FSD2: variants seen among roughly 807,000 people sequenced by gnomAD.
The protein encoded by FSD2 is fibronectin type III and SPRY domain containing 2.
A neutral mutation model predicts 80.4 loss-of-function variants in FSD2; 71 were observed. That is an observed-to-expected ratio of 0.88 (90% CI 0.73 to 1.08). The LOEUF (loss-of-function observed/expected upper bound fraction) is 1.08. Among genes scored for constraint, FSD2 ranks in the 50% least tolerant of loss-of-function variants. FSD2 has a pLI of 0.00. For synonymous variants in FSD2, 361 were observed against 329.5 expected, an observed-to-expected ratio of 1.10 and a Z score of -1.03; for missense variants, 923 against 913.8, an observed-to-expected ratio of 1.01 and a Z score of -0.13.
chr15:82,755,791 C>T lies in FSD2; in HGVS notation c.*3557G>A. The T allele has an allele frequency of 4.4e-6, 1 of 227,014 alleles. No individual in the cohort carries two copies. 14.1% of individuals were successfully genotyped at this position (227,014 alleles called of 1,614,324 possible). ...GGGGTCTTCTTTCCAAATAACTTTT[C>T]TCTTGCATTTAGATTAATTAACCAT... is the stretch of plus-strand genomic sequence containing the variant. On this transcript the variant is annotated 3_prime_UTR_variant, in exon 13 of 13. Coordinates refer to ENST00000334574, the MANE Select transcript of FSD2 (RefSeq NM_001007122.4).
In FSD2 at chr15:82,762,252, A is replaced by G. The variant is rs768776202; in HGVS notation, c.1847T>C (p.Ile616Thr). ...CCAGTAATGGTGCCCTCGGACTGGAATTAGATTTCCCATGACAGCAACACA... is the reference window on the plus strand; with the variant it reads ...CCAGTAATGGTGCCCTCGGACTGGAGTTAGATTTCCCATGACAGCAACACA... ...TRCVAVMGNL[I>T]PVRGHHYWEV... Residue 616 changes from isoleucine to threonine, a missense_variant, in exon 12 of 13, where the codon ATT becomes ACT. Transcript: ENST00000334574. The G allele has an allele frequency of 2.5e-6, 4 of 1,613,904 alleles. 1 individual carries two copies. The South Asian group carries it at 3.3e-5, about 13-fold the overall frequency.
intron 1 of FSD2, among the ~76,000 whole-genome samples, 188 bp from the exon 2 acceptor site, chr15:82,787,656 G>T (rs540735725): frequency 2.6e-5 from 4 of 151,478 alleles, no homozygotes; most frequent in African/African-American, 7.3e-5. Context: ...GGTTAAAAGA[G>T]ACAAAAGAAA....
intron 4 of FSD2, among the ~76,000 whole-genome samples, chr15:82,782,123 TG>T (rs2049879361): frequency 7.6e-6 from 1 of 131,676 alleles, no homozygotes; most frequent in Non-Finnish European, 1.6e-5. Flanking sequence ...TGGCCGGGCA[TG>T]GTGGCTCACG....
chr15:82,783,025 C>T lies in FSD2; in HGVS notation c.736G>A (p.Glu246Lys). The T allele has an allele frequency of 1.2e-6, 2 of 1,602,564 alleles. No individual in the cohort carries two copies. The highest frequency in any genetic ancestry group is 1.7e-6 in the Non-Finnish European group (2 of 1,171,598). ...HLEEVFITVE[E>K]NFGKQEQNFE... ...TTTTGTTCTTGTTTTCCAAAATTCT[C>T]CTGCAAGACAGTTGATCTCAGTCAT... Residue 246 changes from glutamate to lysine, a missense_variant and splice_region_variant, in exon 4 of 13, where the codon GAG (glutamate) becomes AAG (lysine). Transcript: ENST00000334574.
chr15:82,782,065 A>AGATAAT (rs2049872116), intron 4 of FSD2, among the ~76,000 whole-genome samples: 1 of 107,024 alleles, frequency 9.3e-6, no homozygotes, highest in Non-Finnish European at 1.8e-5. Context: ...CTCCATCTCA[A>AGATAAT]AATAATAATA....
At chr15:82,797,020 T>TAAAAAAAAAAAAAAAAA in intron 1 of FSD2, among the ~76,000 whole-genome samples, 1 of 97,378 alleles carries the variant, frequency 1.0e-5, no homozygotes, top group Non-Finnish European at 2.2e-5. Flanking sequence ...GCTTGGTAAT[T>TAAAAAAAAAAAAAAAAA]AAAAAAAAAA....
Position 82,766,031 on chromosome 15 carries a change from C to G in FSD2, c.1554G>C (p.Glu518Asp), listed in dbSNP as rs200815773. The change falls in exon 10 of 13, where the codon GAG becomes GAC. Residue 518 changes from glutamate to aspartate, a missense_variant and splice_region_variant. Transcript: ENST00000334574. The part of the protein sequence containing the change: ...AESPEASGVT[E>D]SVVGIPTCES... Reference sequence around the variant, plus strand: ...CGCAGGTCGGGATGCCCACAACAGACCTGTACAAGGAAGCAGAGCTGCAGT... The same window carrying G: ...CGCAGGTCGGGATGCCCACAACAGAGCTGTACAAGGAAGCAGAGCTGCAGT... The G allele has an allele frequency of 7.4e-5, 117 of 1,580,340 alleles. No individual in the cohort carries two copies. In the African/African-American group the frequency reaches 1.5e-3, roughly 21 times the overall value.
Position 82,762,243 on chromosome 15 carries a change from C to A in FSD2, c.1856G>T (p.Arg619Leu). 1 of 1,613,930 alleles carries A rather than the reference C, an allele frequency of 6.2e-7. No homozygotes were observed. The highest frequency in any genetic ancestry group is 1.1e-5 in the South Asian group (1 of 91,060). Residue 619 changes from arginine (R) to leucine (L), a missense_variant, in exon 12 of 13, where the codon CGA (arginine) becomes CTA (leucine). Transcript: ENST00000334574. ...VAVMGNLIPV[R>L]GHHYWEVEVD... Reference sequence around the variant, plus strand: ...CTCCACCTCCCAGTAATGGTGCCCTCGGACTGGAATTAGATTTCCCATGAC... The same window carrying A: ...CTCCACCTCCCAGTAATGGTGCCCTAGGACTGGAATTAGATTTCCCATGAC...
rs752752693 is a variant in FSD2 at position 82,766,007 on chromosome 15, G to T, written c.1578C>A (p.Cys526Ter). The T allele has an allele frequency of 6.3e-7, 1 of 1,589,428 alleles. No individual in the cohort carries two copies. Among genetic ancestry groups the T allele is most frequent in the Admixed American group, 1.8e-5 (1 of 56,658 alleles). The change falls in exon 10 of 13, where the codon TGC becomes TGA. Residue 526 changes from cysteine (C) to a stop codon, truncating the protein, a stop_gained. Transcript: ENST00000334574. LOFTEE classifies it high-confidence loss of function. ...VTESVVGIPTCESVVQLQPGR... is the reference protein window; with the variant it reads ...VTESVVGIPT ...CCGGCTGCAGCTGCACCACGGACTC[G>T]CAGGTCGGGATGCCCACAACAGACC...
At position 82,768,955 on chromosome 15, in the gene FSD2, C is replaced by T; in HGVS notation, c.1478G>A (p.Gly493Glu). 6.2e-7 allele frequency: 1 copy of T among 1,607,906 alleles called. No individual in the cohort carries two copies. Among genetic ancestry groups the T allele is most frequent in the South Asian group, 1.1e-5 (1 of 89,506 alleles). ...EEAVLICWES[G>E]NLNPVDSYTV... ...GTACGAGTCCACAGGATTCAGGTTC[C>T]CAGACTCCCAGCAAATCAGCACAGC... Residue 493 changes from glycine to glutamate, a missense_variant, in exon 9 of 13, where the codon GGG becomes GAG. Gly to Glu is a moderately conservative substitution (Grantham distance 98). Transcript: ENST00000334574.
chr15:82,793,759 A>C (rs2151532561), intron 1 of FSD2, among the ~76,000 whole-genome samples: 1 of 152,082 alleles, frequency 6.6e-6, no homozygotes, highest in Admixed American at 6.5e-5. Context: ...ATTTCATTTA[A>C]ATTATCTAAT....
In FSD2 at chr15:82,786,528, C is replaced by A. The variant is rs1369415591; in HGVS notation, c.718G>T (p.Val240Phe). Residue 240 changes from valine (V) to phenylalanine (F), a missense_variant, in exon 3 of 13, where the codon GTT becomes TTT. By Grantham distance (50) the Val-to-Phe change is conservative. Coordinates refer to ENST00000334574, the MANE Select transcript of FSD2 (RefSeq NM_001007122.4). ...MENFANHLEE[V>F]FITVEENFGK... ...GCTCTTACCTCCACAGTGATGAAAA[C>A]CTCCTCCAAATGATTTGCAAAGTTT... is the stretch of plus-strand genomic sequence containing the variant. 4 of 1,613,286 alleles carry A rather than the reference C, an allele frequency of 2.5e-6. No individual in the cohort carries two copies. Among genetic ancestry groups the A allele is most frequent in the Non-Finnish European group, 2.5e-6 (3 of 1,179,494 alleles).
intron 1 of FSD2, among the ~76,000 whole-genome samples, chr15:82,792,528 G>T (rs1355901958): frequency 4.6e-5 from 7 of 152,162 alleles, no homozygotes; most frequent in African/African-American, 1.7e-4. Flanking sequence ...CCACTGTCAG[G>T]TATGTAAATT....
intron 3 of FSD2, among the ~76,000 whole-genome samples, chr15:82,784,887 T>C (rs2049958740): frequency 6.6e-6 from 1 of 152,184 alleles, no homozygotes; most frequent in African/African-American, 2.4e-5. Flanking sequence ...ATCATAGTGG[T>C]TACCATGTAT....
At chr15:82,776,663 C>T (rs2049720279) in intron 6 of FSD2, among the ~76,000 whole-genome samples, 1 of 151,992 alleles carries the variant, frequency 6.6e-6, no homozygotes, top group African/African-American at 2.4e-5. Context: ...CATATTATGC[C>T]AAATGATCTA....
rs750580456 is a variant in FSD2, at chr15:82,782,865, A to G, written c.896T>C (p.Leu299Pro). ...TTCCATCAGTTCTTTGCAAGTATCT[A>G]GGTTTTCTCCACAGCTGACCAGTTG... ...YGQLVSCGEN[L>P]DTCKELMETI... The change falls in exon 4 of 13, where the codon CTA becomes CCA. Residue 299 changes from leucine (L) to proline (P), a missense_variant. Coordinates refer to ENST00000334574, the MANE Select transcript of FSD2 (RefSeq NM_001007122.4). 13 of 1,614,010 alleles carry G rather than the reference A, an allele frequency of 8.1e-6. No individual in the cohort carries two copies. The highest frequency in any genetic ancestry group is 1.1e-5 in the Non-Finnish European group (13 of 1,179,892).
rs571756479 is a variant in FSD2 at position 82,787,145 on chromosome 15, A to G, written c.246T>C (p.Asp82=). The G allele has an allele frequency of 1.8e-5, 29 of 1,614,026 alleles. No individual in the cohort carries two copies. The African/African-American group carries it at 3.7e-4, about 21-fold the overall frequency. The change falls in exon 2 of 13, where the codon GAT becomes GAC. Residue 82 remains aspartate (D), a synonymous_variant. Coordinates refer to ENST00000334574, the MANE Select transcript of FSD2 (RefSeq NM_001007122.4). ...DELVHLYGLE[D]DHELGDEFVD... ...CAAACTCATCCCCTAATTCATGATCATCTTCAAGTCCATATAAGTGGACAA... is the reference window on the plus strand; with the variant it reads ...CAAACTCATCCCCTAATTCATGATCGTCTTCAAGTCCATATAAGTGGACAA...
At chr15:82,790,120 G>A (rs1237348003) in intron 1 of FSD2, among the ~76,000 whole-genome samples, 1 of 152,172 alleles carries the variant, frequency 6.6e-6, no homozygotes, top group African/African-American at 2.4e-5. Flanking sequence ...AGGTTGCAGT[G>A]AGCCATGACT....
Position 82,778,884 on chromosome 15 carries a change from G to C in FSD2, c.993C>G (p.Leu331=). 1 of 1,613,912 alleles carries C rather than the reference G, an allele frequency of 6.2e-7. No homozygotes were observed. The highest frequency in any genetic ancestry group is 1.1e-5 in the South Asian group (1 of 91,068). The change falls in exon 6 of 13, where the codon CTC becomes CTG. Residue 331 remains leucine (L), a synonymous_variant. Coordinates refer to ENST00000334574, the MANE Select transcript of FSD2 (RefSeq NM_001007122.4). Reference sequence around the variant, plus strand: ...CTGTTTTTGTTTTCAGGAATTTCCCGAGTCTGTTGGTATAAAAAGACATGC... The same window carrying C: ...CTGTTTTTGTTTTCAGGAATTTCCCCAGTCTGTTGGTATAAAAAGACATGC... The part of the protein sequence containing the change: ...IKDAVAMADR[L]GKFLKTKTDV...
Sources: gnomAD v4.1 joint callset for allele counts (sites outside exome capture counted in the v4.1 genomes callset) on GRCh38, gnomAD v4.1.1 for gene constraint, MANE v1.5 for transcripts, NCBI Gene and HGNC (gene_info 2026-07-23, HGNC 2026-07-21) for gene names.